The following GUCY2F variants were observed in gnomAD, a reference collection of about 807,000 sequenced individuals.
GUCY2F encodes retinal guanylyl cyclase 2.
A neutral mutation model predicts 73.1 loss-of-function variants in GUCY2F; 61 were observed. The ratio of observed to expected loss-of-function variants is 0.83; its 90% confidence interval spans 0.68 to 1.03. The LOEUF (loss-of-function observed/expected upper bound fraction) is 1.03. GUCY2F is among the 50% of genes least tolerant of loss of function. GUCY2F has a pLI of 0.00. For missense variants in GUCY2F, 912 were observed against 854.3 expected, an observed-to-expected ratio of 1.07 and a Z score of -0.84; for synonymous variants, 331 against 307.8, an observed-to-expected ratio of 1.08 and a Z score of -0.79.
chrX:109,398,655 G>T lies in GUCY2F; in HGVS notation c.2169C>A (p.Gly723=). 1 of 1,209,663 alleles carries T rather than the reference G, an allele frequency of 8.3e-7. No individual in the cohort carries two copies. The highest frequency in any genetic ancestry group is 1.8e-5 in the South Asian group (1 of 56,897). The change falls in exon 11 of 20, where the codon GGC becomes GGA. Residue 723 remains glycine (G), a synonymous_variant. Coordinates refer to ENST00000218006, the MANE Select transcript of GUCY2F (RefSeq NM_001522.3). ...CTCCTGCAAAAGAACCTAACCTGCT[G>T]CCTCTTGGAGCTCTCAACAGTTCAG... is the stretch of plus-strand genomic sequence containing the variant. The part of the protein sequence containing the change: ...TAPELLRAPR[G]SRLGSFAGDV...
intron 3 of GUCY2F, among the ~76,000 whole-genome samples, chrX:109,454,960 AG>A (rs755718231): frequency 3.3e-4 from 37 of 111,797 alleles, no homozygotes; most frequent in South Asian, 7.6e-4. Flanking sequence ...GTGAAAAAAA[AG>A]GGCTTAAAAT....
At position 109,475,309 on chromosome X, in the gene GUCY2F, G is replaced by C; in HGVS notation, c.628C>G (p.Arg210Gly). ...ACCCCTACAGGTAAGCCGTGGCTCC[G>C]AAGAGCACTTGCGACTCGATTGGCT... ...HTANRVASAL[R>G]SHGLPVGVVL... The change falls in exon 2 of 20, where the codon CGG (arginine) becomes GGG (glycine). Residue 210 changes from arginine (R) to glycine (G), a missense_variant. Physicochemically the swap from Arg to Gly is moderately radical, Grantham distance 125. Transcript: ENST00000218006. The C allele has an allele frequency of 8.3e-7, 1 of 1,210,960 alleles. No individual in the cohort carries two copies. The highest frequency in any genetic ancestry group is 1.1e-6 in the Non-Finnish European group (1 of 894,834).
rs1326425553 is a variant in GUCY2F, at chrX:109,382,597, C to T, written c.3056-385G>A. Among the ~76,000 whole-genome samples the T allele has an allele frequency of 6.2e-5, 7 of 112,502 alleles. No homozygotes were observed. The Admixed American group carries it at 6.6e-4, about 11-fold the overall frequency. On this transcript the variant is annotated intron_variant, in intron 16 of 19. Transcript: ENST00000218006. ...CACAGGCTGCTACTATGGCTGAACT[C>T]TCATGCTTTACATATCTTAGGCAAA...
intron 9 of GUCY2F, among the ~76,000 whole-genome samples, chrX:109,408,346 C>T (rs773004962): frequency 8.9e-6 from 1 of 112,671 alleles, no homozygotes; most frequent in East Asian, 2.8e-4. Context: ...TAGGAAGCAA[C>T]TAGCTTGCTT....
intron 7 of GUCY2F, among the ~76,000 whole-genome samples, chrX:109,431,243 A>G (rs1253972337): frequency 9.0e-6 from 1 of 111,591 alleles, no homozygotes; most frequent in East Asian, 2.8e-4. Context: ...TTTTTTCTCC[A>G]TAATAGTAAT....
At chrX:109,427,438 G>A (rs748546484) in intron 8 of GUCY2F, among the ~76,000 whole-genome samples, 2 of 112,058 alleles carry the variant, frequency 1.8e-5, no homozygotes, top group African/African-American at 3.2e-5. Flanking sequence ...CAGAAGTTGT[G>A]ATCTTAAAAG....
At chrX:109,415,587 C>T (rs1345300035) in intron 8 of GUCY2F, among the ~76,000 whole-genome samples, 2 of 112,248 alleles carry the variant, frequency 1.8e-5, no homozygotes, top group African/African-American at 3.2e-5. Context: ...TTATGAAGTA[C>T]AGTCTGAATA....
Position 109,430,386 on chromosome X carries a change from A to T in GUCY2F, c.1712T>A (p.Val571Glu). ...TCCAAGGGAGAACTTTTTCAGCCAC[A>T]CCCAATCACCCTAGAAAGAAAAGGA... ...SNIAIYEGDWVWLKKFSLGDF... is the reference protein window; with the variant it reads ...SNIAIYEGDWEWLKKFSLGDF... Residue 571 changes from valine to glutamate, a missense_variant, in exon 8 of 20, where the codon GTG (valine) becomes GAG (glutamate). Transcript: ENST00000218006. The T allele has an allele frequency of 9.3e-7, 1 of 1,076,487 alleles. No homozygotes were observed. The highest frequency in any genetic ancestry group is 1.3e-6 in the Non-Finnish European group (1 of 772,470). 88.7% of individuals were successfully genotyped at this position (1,076,487 alleles called of 1,213,427 possible). A position where few individuals can be genotyped will look rare whatever the true frequency, so the allele number is the denominator to read the frequency against.
chrX:109,463,674 T>A (rs1417854448), intron 3 of GUCY2F, among the ~76,000 whole-genome samples: 1 of 110,726 alleles, frequency 9.0e-6, no homozygotes, highest in Admixed American at 9.5e-5. Context: ...CCTGACCTCG[T>A]GATCCACCCG....
chrX:109,381,038 T>C (rs771221109), intron 17 of GUCY2F, among the ~76,000 whole-genome samples: 7 of 111,977 alleles, frequency 6.3e-5, no homozygotes, highest in Non-Finnish European at 1.3e-4. Context: ...CTCTGTCCCC[T>C]TGTAAGTGAC....
intron 8 of GUCY2F, among the ~76,000 whole-genome samples, chrX:109,424,634 G>A (rs950391338): frequency 9.0e-6 from 1 of 111,344 alleles, no homozygotes; most frequent in Non-Finnish European, 1.9e-5. Context: ...TGTTAATAGT[G>A]GGAGAGGCTG....
intron 17 of GUCY2F, among the ~76,000 whole-genome samples, chrX:109,377,882 G>A (rs1930214805): frequency 9.0e-6 from 1 of 111,310 alleles, no homozygotes; most frequent in Non-Finnish European, 1.9e-5. Flanking sequence ...ACTCAGGCAA[G>A]CTTCCAAATC....
At chrX:109,409,667 T>C (rs1361890119) in intron 8 of GUCY2F, among the ~76,000 whole-genome samples, 1 of 111,310 alleles carries the variant, frequency 9.0e-6, no homozygotes, top group Non-Finnish European at 1.9e-5. Context: ...TAGGAGGTAA[T>C]TGAATCATGG....
intron 3 of GUCY2F, among the ~76,000 whole-genome samples, chrX:109,456,556 G>T (rs1051559926): frequency 2.2e-4 from 25 of 111,526 alleles, no homozygotes; most frequent in Non-Finnish European, 3.8e-4. Flanking sequence ...TGGTCTTTGT[G>T]CTCTGATTGA....
intron 11 of GUCY2F, among the ~76,000 whole-genome samples, chrX:109,398,267 G>A (rs1362327507): frequency 9.1e-6 from 1 of 110,464 alleles, no homozygotes; most frequent in Non-Finnish European, 1.9e-5. Context: ...GAGTAGAGGG[G>A]ACTGTGAAAT....
intron 14 of GUCY2F, among the ~76,000 whole-genome samples, chrX:109,390,802 A>C (rs1930542087): frequency 8.9e-6 from 1 of 112,809 alleles, no homozygotes; most frequent in Non-Finnish European, 1.9e-5. Context: ...CGTGGTTTCC[A>C]TGTGTGCTTC....
At chrX:109,402,505 T>C (rs1930868089) in intron 10 of GUCY2F, among the ~76,000 whole-genome samples, 1 of 109,938 alleles carries the variant, frequency 9.1e-6, no homozygotes. Flanking sequence ...CCTGAGTAGC[T>C]GGGATTATAG....
intron 13 of GUCY2F, 86 bp from the exon 14 acceptor site, chrX:109,392,189 T>G (rs1930582149): frequency 3.2e-6 from 2 of 630,778 alleles, no homozygotes; most frequent in Non-Finnish European, 4.9e-6. Context: ...CAAATAAACC[T>G]CTAAAAATCA....
intron 8 of GUCY2F, among the ~76,000 whole-genome samples, chrX:109,409,696 C>T (rs891333359): frequency 9.9e-5 from 11 of 111,354 alleles, no homozygotes; most frequent in African/African-American, 3.6e-4. Flanking sequence ...CTTTCCCATG[C>T]TGTTCTCATG....
Sources: gnomAD v4.1 joint callset for allele counts (sites outside exome capture counted in the v4.1 genomes callset) on GRCh38, gnomAD v4.1.1 for gene constraint, MANE v1.5 for transcripts, NCBI Gene and HGNC (gene_info 2026-07-23, HGNC 2026-07-21) for gene names.